The following PDS5B variants were observed in gnomAD, a reference collection of about 807,000 sequenced individuals.
The protein encoded by PDS5B is sister chromatid cohesion protein PDS5 homolog B.
Under a neutral mutation model 184.1 loss-of-function variants are expected in PDS5B, and 51 were observed. The ratio of observed to expected loss-of-function variants is 0.28; its 90% CI spans 0.22 to 0.35. The LOEUF is 0.35. Among genes scored for constraint, PDS5B ranks in the 10% least tolerant of loss-of-function variants. The pLI is 1.00. For synonymous variants in PDS5B, 566 were observed against 569.2 expected (o/e 0.99, Z 0.08); for missense variants, 1,180 against 1,723.3 (o/e 0.68, Z 5.58).
At chr13:32,700,417 T>TA (rs2140869205) in intron 16 of PDS5B, among the ~76,000 whole-genome samples, 1 of 152,222 alleles carries the variant, frequency 6.6e-6, no homozygotes, top group East Asian at 1.9e-4. Context: ...TATTGGTCAG[T>TA]ATCATTGCTG....
Position 32,658,814 on chromosome 13 carries a change from G to C in PDS5B, c.497+283G>C, listed in dbSNP as rs527516689. Among the ~76,000 whole-genome samples the C allele has an allele frequency of 3.9e-5, 6 of 152,142 alleles. No homozygotes were observed. In the East Asian group the frequency reaches 1.2e-3, roughly 29 times the overall value. ...GACTTCTTAATGCATATGGCTATTT[G>C]AGCTTTTTGTGTATGCTTTAAAATT... On this transcript the variant is annotated intron_variant, in intron 5 of 34. Coordinates refer to ENST00000315596, the MANE Select transcript of PDS5B (RefSeq NM_015032.4).
intron 7 of PDS5B, among the ~76,000 whole-genome samples, chr13:32,672,563 T>C (rs1950966100): frequency 6.6e-6 from 1 of 152,132 alleles, no homozygotes; most frequent in Non-Finnish European, 1.5e-5. Flanking sequence ...AAGCCAATGG[T>C]GTTACTCTCA....
chr13:32,768,980 C>T (rs1420201397), intron 31 of PDS5B, among the ~76,000 whole-genome samples: 4 of 146,856 alleles, frequency 2.7e-5, no homozygotes, highest in South Asian at 4.3e-4. Context: ...ATTAGCCAGG[C>T]GTGGTTGCAG....
At chr13:32,704,799 A>G (rs1002151618) in intron 17 of PDS5B, among the ~76,000 whole-genome samples, 2 of 152,184 alleles carry the variant, frequency 1.3e-5, no homozygotes, top group African/African-American at 2.4e-5. Flanking sequence ...ATCTTGTCCC[A>G]TACCAAATGA....
At chr13:32,596,216 CCATT>C (rs1455561642) in intron 1 of PDS5B, among the ~76,000 whole-genome samples, 7 of 152,296 alleles carry the variant, frequency 4.6e-5, no homozygotes, top group African/African-American at 1.7e-4. Flanking sequence ...GTTGCTCTCT[CCATT>C]CAATTTCTTT....
chr13:32,732,744 G>A (rs1184643844), intron 20 of PDS5B, among the ~76,000 whole-genome samples: 2 of 151,668 alleles, frequency 1.3e-5, no homozygotes, highest in Non-Finnish European at 1.5e-5. Context: ...TTTTACCCAG[G>A]CATTGCAATT....
chr13:32,722,443 A>G (rs1219364350), intron 19 of PDS5B, among the ~76,000 whole-genome samples: 1 of 152,196 alleles, frequency 6.6e-6, no homozygotes, highest in Non-Finnish European at 1.5e-5. Flanking sequence ...ACAGATATTT[A>G]CCACTGTGTT....
chr13:32,663,691 CT>C (rs879450330), intron 6 of PDS5B, among the ~76,000 whole-genome samples: 88 of 152,136 alleles, frequency 5.8e-4, no homozygotes, highest in African/African-American at 1.9e-3. Context: ...GGCAAACATG[CT>C]TTAAAAAAAA....
chr13:32,758,369 C>T (rs1954260572), intron 27 of PDS5B, 150 bp downstream of exon 27: 2 of 954,464 alleles, frequency 2.1e-6, no homozygotes, highest in East Asian at 2.6e-5. Flanking sequence ...AATTTTATTA[C>T]AAGTAAATGA....
intron 7 of PDS5B, among the ~76,000 whole-genome samples, chr13:32,669,180 T>G (rs928790125): frequency 6.6e-6 from 1 of 152,148 alleles, no homozygotes; most frequent in Non-Finnish European, 1.5e-5. Context: ...TTTCCCTTGC[T>G]TCAAGTACTT....
chr13:32,701,419 A>G lies in PDS5B; in HGVS notation c.1837A>G (p.Ile613Val), dbSNP rs1475338159. 1.9e-6 allele frequency: 3 copies of G among 1,595,290 alleles called. No homozygotes were observed. Among genetic ancestry groups the G allele is most frequent in the Non-Finnish European group, 2.6e-6 (3 of 1,164,392 alleles). ...FLLERIAPVH[I>V]DTESISALIK... Reference sequence around the variant, plus strand: ...CTTGGAGAGGATAGCACCTGTGCACATAGATACCGAATCTATCAGGTATTT... The same window carrying G: ...CTTGGAGAGGATAGCACCTGTGCACGTAGATACCGAATCTATCAGGTATTT... The change falls in exon 17 of 35, where the codon ATA (isoleucine) becomes GTA (valine). Residue 613 changes from isoleucine (I) to valine (V), a missense_variant. By Grantham distance (29) the Ile-to-Val change is conservative. This residue lies in a region of PDS5B where 475 missense variants were observed against 691.5 expected (regional missense o/e 0.69). Transcript: ENST00000315596.
chr13:32,628,498 A>G (rs1228388381), intron 1 of PDS5B, among the ~76,000 whole-genome samples: 1 of 151,556 alleles, frequency 6.6e-6, no homozygotes. Flanking sequence ...GAGTGAGCCG[A>G]GATCGTGCCA....
At position 32,722,871 on chromosome 13, in the gene PDS5B, A is replaced by G. The variant is rs938431133; in HGVS notation, c.2124-9230A>G. On this transcript the variant is annotated intron_variant, in intron 19 of 34. Transcript: ENST00000315596. ...GCTGTTGCTGGGGAGCAGTGAAACT[A>G]CTGCTCAGAACGCCTTAAGAAGCTC... Among the ~76,000 whole-genome samples the G allele has an allele frequency of 9.8e-5, 15 of 152,352 alleles. No homozygotes were observed. In the East Asian group the frequency reaches 2.5e-3, roughly 25 times the overall value.
intron 28 of PDS5B, among the ~76,000 whole-genome samples, chr13:32,759,335 G>A (rs1166368067): frequency 3.3e-5 from 5 of 152,124 alleles, no homozygotes; most frequent in Admixed American, 3.3e-4. Context: ...CAGAGTAATA[G>A]GAATATGTAC....
chr13:32,768,947 C>CAA (rs770324221), intron 31 of PDS5B, among the ~76,000 whole-genome samples: 226 of 84,492 alleles, frequency 2.7e-3, no homozygotes, highest in African/African-American at 6.4e-3. Context: ...TAAAAAAATA[C>CAA]AAAAAAAAAA....
At position 32,727,136 on chromosome 13, in the gene PDS5B, G is replaced by A. The variant is rs1267500947; in HGVS notation, c.2124-4965G>A. 1.3e-5 allele frequency among the ~76,000 whole-genome samples: 2 copies of A among 152,042 alleles called. 1 individual carries two copies. The highest frequency in any genetic ancestry group is 3.9e-4 in the East Asian group (2 of 5,178). ...TTTTCCTCTTCTATTCTTTATGTCT[G>A]CTTTCCTTGAGATTAATCAAGTATT... On this transcript the variant is annotated intron_variant, in intron 19 of 34. Coordinates refer to ENST00000315596, the MANE Select transcript of PDS5B (RefSeq NM_015032.4).
At chr13:32,742,876 T>C (rs1953609305) in intron 23 of PDS5B, 149 bp downstream of exon 23, 1 of 712,920 alleles carries the variant, frequency 1.4e-6, no homozygotes, top group South Asian at 1.8e-5. Context: ...TATGCTTTTG[T>C]ACAGTGGTTA....
intron 18 of PDS5B, among the ~76,000 whole-genome samples, chr13:32,708,704 G>A (rs548590535): frequency 6.6e-6 from 1 of 152,138 alleles, no homozygotes; most frequent in African/African-American, 2.4e-5. Context: ...TACTAGTGAG[G>A]TCCATATGTT....
chr13:32,614,914 A>C (rs1242768098), intron 1 of PDS5B, among the ~76,000 whole-genome samples: 1 of 152,214 alleles, frequency 6.6e-6, no homozygotes, highest in Non-Finnish European at 1.5e-5. Flanking sequence ...AAAGTTCTCC[A>C]GTAGAGATTG....
Sources: gnomAD v4.1 joint callset for allele counts (sites outside exome capture counted in the v4.1 genomes callset) on GRCh38, gnomAD v4.1.1 for gene constraint, gnomAD v4.1.1 regional missense constraint, MANE v1.5 for transcripts, NCBI Gene and HGNC (gene_info 2026-07-23, HGNC 2026-07-21) for gene names.